The following NAALADL2 variants were observed in gnomAD, a reference collection of about 807,000 sequenced individuals.
The protein encoded by NAALADL2 is inactive N-acetylated-alpha-linked acidic dipeptidase-like protein 2.
In NAALADL2, 76 loss-of-function variants were observed where a neutral mutation model predicts 87.2. The observed-to-expected ratio is 0.87, with a 90% CI of 0.72 to 1.05. The LOEUF (loss-of-function observed/expected upper bound fraction) is 1.05, where lower values mean the gene tolerates loss of function less well. Ranked by LOEUF, NAALADL2 falls within the 50% of genes least tolerant of loss-of-function variation. NAALADL2 has a pLI of 0.00. For synonymous variants in NAALADL2, 354 were observed against 331.0 expected, an observed-to-expected ratio of 1.07 and a Z score of -0.75; for missense variants, 1,089 against 945.8, an observed-to-expected ratio of 1.15 and a Z score of -1.99.
rs184520369 is a variant in NAALADL2, at chr3:174,656,665, T to C, written c.-114-80976T>C. ...ATGAAAAGCAGGTCAATATGGTCTT[T>C]GCTAAAATTATTATTTAAAACTACA... is the stretch of plus-strand genomic sequence containing the variant. On this transcript the variant is annotated intron_variant, in intron 2 of 3. Transcript: ENST00000434257. Among the ~76,000 whole-genome samples, 211 of 152,314 alleles carry C rather than the reference T, an allele frequency of 1.4e-3. 1 individual carries two copies. The highest frequency in any genetic ancestry group is 3.7e-3 in the Admixed American group (57 of 15,298).
At chr3:175,671,433 T>C (rs778050894) in intron 11 of NAALADL2, among the ~76,000 whole-genome samples, 8 of 152,002 alleles carry the variant, frequency 5.3e-5, no homozygotes, top group Non-Finnish European at 1.0e-4. Context: ...CTCTTAATGA[T>C]AGTTTCAGAT....
intron 13 of NAALADL2, among the ~76,000 whole-genome samples, chr3:175,790,176 C>A (rs1303788437): frequency 6.6e-6 from 1 of 152,054 alleles, no homozygotes; most frequent in Non-Finnish European, 1.5e-5. Context: ...TGTCAACAAA[C>A]CTATGCATTA....
intron 11 of NAALADL2, among the ~76,000 whole-genome samples, chr3:175,713,143 A>T (rs1006282835): frequency 1.3e-5 from 2 of 152,142 alleles, no homozygotes; most frequent in Non-Finnish European, 2.9e-5. Context: ...AAAACTCTGA[A>T]TTAGTAGATT....
chr3:174,801,796 AT>A (rs541683982), intron 3 of NAALADL2, among the ~76,000 whole-genome samples: 1 of 151,094 alleles, frequency 6.6e-6, no homozygotes, highest in South Asian at 2.1e-4. Context: ...ATATATATTC[AT>A]TTTTTGAATT....
At chr3:174,678,340 T>C (rs1412456036) in intron 2 of NAALADL2, among the ~76,000 whole-genome samples, 3 of 152,122 alleles carry the variant, frequency 2.0e-5, no homozygotes, top group Non-Finnish European at 4.4e-5. Context: ...AGTAAACAGG[T>C]ACAACAGTTA....
chr3:175,179,511 C>T (rs1037908573), intron 2 of NAALADL2, among the ~76,000 whole-genome samples: 1 of 151,942 alleles, frequency 6.6e-6, no homozygotes, highest in Non-Finnish European at 1.5e-5. Flanking sequence ...TGGAATTTTA[C>T]TGGTGTTTCT....
intron 10 of NAALADL2, among the ~76,000 whole-genome samples, chr3:175,625,423 A>G (rs751982613): frequency 2.0e-5 from 3 of 152,030 alleles, no homozygotes; most frequent in Non-Finnish European, 2.9e-5. Context: ...ATTGCAGAAA[A>G]GAGAATATTG....
At chr3:174,666,606 A>T (rs1725979536) in intron 2 of NAALADL2, among the ~76,000 whole-genome samples, 1 of 152,202 alleles carries the variant, frequency 6.6e-6, no homozygotes, top group Admixed American at 6.5e-5. Flanking sequence ...CATTGAAAGA[A>T]CAAGTATTCA....
chr3:175,595,155 T>C (rs1722077729), intron 10 of NAALADL2, among the ~76,000 whole-genome samples: 2 of 152,128 alleles, frequency 1.3e-5, no homozygotes, highest in African/African-American at 4.8e-5. Flanking sequence ...CATGAATCTA[T>C]CTTAAGTAAA....
At chr3:174,784,581 T>G (rs958549102) in intron 3 of NAALADL2, among the ~76,000 whole-genome samples, 4 of 152,144 alleles carry the variant, frequency 2.6e-5, no homozygotes, top group Admixed American at 2.6e-4. Flanking sequence ...ATAATTGAAG[T>G]TAGTTATGAG....
chr3:175,776,738 A>G (rs900780874), intron 13 of NAALADL2, among the ~76,000 whole-genome samples: 4 of 152,030 alleles, frequency 2.6e-5, no homozygotes, highest in African/African-American at 9.7e-5. Context: ...TTTTCCCTCT[A>G]TCAAAAGGGG....
chr3:175,734,517 AC>A (rs1744235750), intron 11 of NAALADL2, among the ~76,000 whole-genome samples: 1 of 152,096 alleles, frequency 6.6e-6, no homozygotes, highest in Non-Finnish European at 1.5e-5. Flanking sequence ...AGATTGTGCC[AC>A]TGTGCTCCAC....
At chr3:175,630,789 T>C (rs1359797987) in intron 11 of NAALADL2, among the ~76,000 whole-genome samples, 1 of 151,568 alleles carries the variant, frequency 6.6e-6, no homozygotes, top group African/African-American at 2.4e-5. Context: ...ACATTCAGTT[T>C]TGAAATTTAA....
At position 175,807,238 on chromosome 3, in the gene NAALADL2, A is replaced by G. The variant is rs1276523590; in HGVS notation, c.*4035A>G. ...GAACAACAGTTTTATGTTATTTTTA[A>G]AAATTCAGAATAACCAATTGACTTT... is the stretch of plus-strand genomic sequence containing the variant. On this transcript the variant is annotated 3_prime_UTR_variant, in exon 14 of 14. Transcript: ENST00000454872. The G allele has an allele frequency of 6.6e-6, 1 of 151,950 alleles. No homozygotes were observed. Among genetic ancestry groups the G allele is most frequent in the African/African-American group, 2.4e-5 (1 of 41,428 alleles). 9.4% of individuals were successfully genotyped at this position (151,950 alleles called of 1,614,324 possible).
intron 3 of NAALADL2, among the ~76,000 whole-genome samples, chr3:174,753,090 C>T (rs547245261): frequency 5.9e-5 from 9 of 152,124 alleles, no homozygotes; most frequent in African/African-American, 1.9e-4. Context: ...TCTTGTTGAT[C>T]CCCTTTTTGC....
intron 2 of NAALADL2, among the ~76,000 whole-genome samples, chr3:174,641,183 T>G (rs542219909): frequency 2.6e-5 from 4 of 152,022 alleles, no homozygotes; most frequent in African/African-American, 7.2e-5. Flanking sequence ...ACGGCCAGGG[T>G]CTCCACAGCT....
intron 10 of NAALADL2, among the ~76,000 whole-genome samples, chr3:175,596,342 T>G (rs1722240681): frequency 6.6e-6 from 1 of 151,970 alleles, no homozygotes; most frequent in Admixed American, 6.6e-5. Context: ...GATTTAATCA[T>G]GATCATTATA....
In NAALADL2 at chr3:175,465,999, C is replaced by T. The variant is rs545768311; in HGVS notation, c.1328-980C>T. On this transcript the variant is annotated intron_variant, in intron 7 of 13. Transcript: ENST00000454872. Reference sequence around the variant, plus strand: ...CTCAGAACAACTAAATGGAGATGTACTATTTGTTTTCCTACCTTAGAGATG... The same window carrying T: ...CTCAGAACAACTAAATGGAGATGTATTATTTGTTTTCCTACCTTAGAGATG... Among the ~76,000 whole-genome samples the T allele has an allele frequency of 7.2e-5, 11 of 152,300 alleles. No homozygotes were observed. In the South Asian group the frequency reaches 2.1e-3, roughly 29 times the overall value.
At chr3:174,508,247 A>G (rs943150842) in intron 1 of NAALADL2, among the ~76,000 whole-genome samples, 6 of 150,804 alleles carry the variant, frequency 4.0e-5, no homozygotes, top group Non-Finnish European at 8.9e-5. Context: ...CCGAGTAGCT[A>G]GGACTACAGG....
Sources: allele counts gnomAD v4.1 joint callset (sites outside exome capture counted in the v4.1 genomes callset), GRCh38; gene constraint gnomAD v4.1.1; transcripts MANE v1.5; gene names NCBI Gene and HGNC (gene_info 2026-07-23, HGNC 2026-07-21).